MUC7: variants seen among roughly 807,000 people sequenced by gnomAD.
The protein encoded by MUC7 is mucin 7, secreted, also known as mucin-7.
In MUC7, 2 loss-of-function variants were observed where a neutral mutation model predicts 2.5. That is an observed-to-expected ratio of 0.81 (90% CI 0.33 to 2.55). MUC7 has a LOEUF of 2.55. Ranked by LOEUF, MUC7 falls within the 30% of genes most tolerant of loss-of-function variation. The probability of loss-of-function intolerance (pLI) is 0.11; values close to 1 mark genes in which losing one functional copy is unlikely to be tolerated. For missense variants in MUC7, 408 were observed against 455.6 expected (o/e 0.90, Z 0.95); for synonymous variants, 133 against 173.4 (o/e 0.77, Z 1.83).
Position 70,482,097 on chromosome 4 carries a change from A to C in MUC7, c.*219A>C. On this transcript the variant is annotated 3_prime_UTR_variant, in exon 3 of 3. Transcript: ENST00000304887. ...GCCAGATGCAGGTCTGGGGTTCAAA[A>C]TAACTCTTTGGATCCTACAGAGATA... 1 of 585,060 alleles carries C rather than the reference A, an allele frequency of 1.7e-6. No individual in the cohort carries two copies. Among genetic ancestry groups the C allele is most frequent in the East Asian group, 3.1e-5 (1 of 32,214 alleles). The allele number at this position is 585,060 out of a possible 1,614,324, so 36.2% of individuals were successfully genotyped here.
At chr4:70,467,419 C>A (rs1329039285), upstream of MUC7, among the ~76,000 whole-genome samples, 1 of 152,084 alleles carries the variant, frequency 6.6e-6, no homozygotes. Context: ...CAGAGCAGAA[C>A]TGAAGGACAT....
chr4:70,475,271 T>A (rs1484048723), intron 2 of MUC7, among the ~76,000 whole-genome samples: 1 of 151,976 alleles, frequency 6.6e-6, no homozygotes, highest in East Asian at 1.9e-4. Flanking sequence ...AGAGCAAGAT[T>A]TTGTCTCAAA....
Position 70,482,341 on chromosome 4 carries a change from C to T in MUC7, c.*463C>T, listed in dbSNP as rs959113389. 1.3e-5 allele frequency: 2 copies of T among 158,904 alleles called. No homozygotes were observed. Among genetic ancestry groups the T allele is most frequent in the African/African-American group, 4.8e-5 (2 of 41,466 alleles). 9.8% of individuals were successfully genotyped at this position (158,904 alleles called of 1,614,324 possible). ...AATATCTGTAGATAGAAACATTTATCTATCTAAATATATTGATAGACCTGT... is the reference window on the plus strand; with the variant it reads ...AATATCTGTAGATAGAAACATTTATTTATCTAAATATATTGATAGACCTGT... On this transcript the variant is annotated 3_prime_UTR_variant, in exon 3 of 3. Transcript: ENST00000304887.
intron 1 of MUC7, among the ~76,000 whole-genome samples, chr4:70,445,624 G>A (rs1734112651): frequency 6.6e-6 from 1 of 152,092 alleles, no homozygotes; most frequent in East Asian, 1.9e-4. Flanking sequence ...GAAAACACTT[G>A]GAGATAGGGT....
chr4:70,451,607 T>C (rs894438097), intron 1 of MUC7, among the ~76,000 whole-genome samples: 1 of 152,200 alleles, frequency 6.6e-6, no homozygotes, highest in Admixed American at 6.5e-5. Flanking sequence ...AGTTTCATTC[T>C]ATTGTGGTCA....
intron 2 of MUC7, among the ~76,000 whole-genome samples, chr4:70,480,085 G>A (rs1331481273): frequency 6.6e-6 from 1 of 152,178 alleles, no homozygotes; most frequent in African/African-American, 2.4e-5. Flanking sequence ...ACACCTTTCA[G>A]AAATCATGAA....
rs575341312 is a variant in MUC7 at position 70,451,581 on chromosome 4, C to G, written c.-92-20634C>G. Among the ~76,000 whole-genome samples the G allele has an allele frequency of 3.3e-3, 496 of 152,074 alleles. 4 individuals are homozygous for G. The highest frequency in any genetic ancestry group is 5.2e-3 in the Non-Finnish European group (356 of 67,982). On this transcript the variant is annotated intron_variant, in intron 1 of 3. Coordinates refer to the MUC7 transcript ENST00000413702. ...TGTTTGTATACTTTCCAAAATTACT[C>G]TTATTATTGATTTCTAGTTTCATTC... is the stretch of plus-strand genomic sequence containing the variant.
intron 1 of MUC7, among the ~76,000 whole-genome samples, chr4:70,442,473 C>G (rs1158496277): frequency 6.6e-6 from 1 of 151,962 alleles, no homozygotes; most frequent in Admixed American, 6.6e-5. Flanking sequence ...CATGTGAAAA[C>G]AAATGTGTAT....
Position 70,480,882 on chromosome 4 carries a change from A to T in MUC7, c.138A>T (p.Pro46=). 1.2e-6 allele frequency: 2 copies of T among 1,614,140 alleles called. No individual in the cohort carries two copies. Among genetic ancestry groups the T allele is most frequent in the Non-Finnish European group, 8.5e-7 (1 of 1,180,002 alleles). The change falls in exon 3 of 3, where the codon CCA becomes CCT. Residue 46 remains proline (P), a synonymous_variant. Coordinates refer to ENST00000304887, the MANE Select transcript of MUC7 (RefSeq NM_152291.3). ...HQSPKSHFEL[P]HYPGLLAHQK... Reference sequence around the variant, plus strand: ...CACCCAAATCTCACTTTGAATTACCACATTATCCTGGACTGCTAGCTCACC... The same window carrying T: ...CACCCAAATCTCACTTTGAATTACCTCATTATCCTGGACTGCTAGCTCACC...
At chr4:70,437,294 T>C (rs1733869724) in intron 1 of MUC7, among the ~76,000 whole-genome samples, 2 of 152,214 alleles carry the variant, frequency 1.3e-5, no homozygotes, top group Non-Finnish European at 2.9e-5. Flanking sequence ...TGTTCAAGTA[T>C]GCCCTGATCC....
chr4:70,465,495 C>A (rs967236581), intron 1 of MUC7, among the ~76,000 whole-genome samples: 3 of 151,988 alleles, frequency 2.0e-5, no homozygotes, highest in Admixed American at 6.5e-5. Flanking sequence ...AAGCTAAGAA[C>A]CTTGAAAAAA....
intron 1 of MUC7, among the ~76,000 whole-genome samples, chr4:70,464,466 C>G (rs1304475355): frequency 2.0e-5 from 3 of 152,124 alleles, no homozygotes; most frequent in Admixed American, 1.3e-4. Flanking sequence ...GGTTCCCACC[C>G]CTACAGAGCC....
At position 70,449,340 on chromosome 4, in the gene MUC7, A is replaced by G. The variant is rs140108292; in HGVS notation, c.-93+18653A>G. ...ACGGAAAGCAAAAGGCATGTCTTAC[A>G]TGGCAGCAGACTAGGGAGAATGAGA... On this transcript the variant is annotated intron_variant, in intron 1 of 3. Transcript: ENST00000413702. 2.4e-3 allele frequency among the ~76,000 whole-genome samples: 359 copies of G among 152,290 alleles called. 1 individual carries two copies. The highest frequency in any genetic ancestry group is 8.1e-3 in the African/African-American group (336 of 41,574).
intron 1 of MUC7, among the ~76,000 whole-genome samples, chr4:70,443,098 C>A (rs1262871721): frequency 2.0e-5 from 3 of 152,096 alleles, no homozygotes; most frequent in Admixed American, 1.3e-4. Context: ...CCAGGAAAAT[C>A]TTCACTGAAG....
At chr4:70,469,523 A>G (rs1306329777), upstream of MUC7, among the ~76,000 whole-genome samples, 3 of 152,262 alleles carry the variant, frequency 2.0e-5, no homozygotes, top group Non-Finnish European at 2.9e-5. Flanking sequence ...CAAAAGGCTA[A>G]TATCCAGAAT....
intron 1 of MUC7, among the ~76,000 whole-genome samples, chr4:70,472,936 A>G (rs1260953528): frequency 6.6e-6 from 1 of 152,230 alleles, no homozygotes; most frequent in Non-Finnish European, 1.5e-5. Context: ...ATAAGCTGAC[A>G]TGTACACATT....
At chr4:70,453,789 G>T (rs1254098682) in intron 1 of MUC7, among the ~76,000 whole-genome samples, 3 of 152,098 alleles carry the variant, frequency 2.0e-5, no homozygotes, top group Admixed American at 1.3e-4. Flanking sequence ...ATAACCAGCA[G>T]CAATATGGCA....
chr4:70,460,549 A>G (rs1734529988), intron 1 of MUC7, among the ~76,000 whole-genome samples: 1 of 150,494 alleles, frequency 6.6e-6, no homozygotes, highest in Admixed American at 6.6e-5. Context: ...TGCCACTTTT[A>G]CCGGTGGGGT....
intron 2 of MUC7, among the ~76,000 whole-genome samples, chr4:70,479,193 G>T (rs1447697032): frequency 2.0e-5 from 3 of 152,164 alleles, no homozygotes; most frequent in African/African-American, 7.2e-5. Flanking sequence ...TTTATGAAAT[G>T]ATTCGGATTA....
Sources: gnomAD v4.1 joint callset for allele counts (sites outside exome capture counted in the v4.1 genomes callset) on GRCh38, gnomAD v4.1.1 for gene constraint, MANE v1.5 for transcripts, NCBI Gene and HGNC (gene_info 2026-07-23, HGNC 2026-07-21) for gene names.